Variants in FAM229A observed in about 807,000 individuals in gnomAD.
The protein encoded by FAM229A is protein FAM229A.
Under a neutral mutation model 10.0 loss-of-function variants are expected in FAM229A, and 9 were observed. The observed-to-expected ratio is 0.90, with a 90% CI of 0.54 to 1.56. The LOEUF is 1.56. Among genes scored for constraint, FAM229A ranks in the 40% most tolerant of loss-of-function variants. FAM229A has a pLI of 0.00. For missense variants in FAM229A, 196 were observed against 197.6 expected (o/e 0.99, Z 0.05); for synonymous variants, 93 against 90.1 (o/e 1.03, Z -0.19).
Position 32,361,500 on chromosome 1 carries a change from G to GTC in FAM229A, c.315_316dup (p.Thr106ArgfsTer62). 7.3e-7 allele frequency: 1 copy of GTC among 1,375,790 alleles called. No individual in the cohort carries two copies. Among genetic ancestry groups the GTC allele is most frequent in the Non-Finnish European group, 9.4e-7 (1 of 1,064,500 alleles). 85.2% of individuals were successfully genotyped at this position (1,375,790 alleles called of 1,614,324 possible). On this transcript the variant is annotated frameshift_variant, in exon 3 of 3. Transcript: ENST00000432622. LOFTEE classifies it high-confidence loss of function. ...GACGTCGATGGGCACGTGCAGCAGC[G>GTC]TCAGGCAGTGGCATCCAGGGCAGCG... is the stretch of plus-strand genomic sequence containing the variant.
In FAM229A at chr1:32,361,780, G is replaced by C. The variant is rs945147692; in HGVS notation, c.231C>G (p.Pro77=). Residue 77 remains proline, a synonymous_variant, in exon 2 of 3, where the codon CCC becomes CCG. Transcript: ENST00000432622. The part of the protein sequence containing the change: ...AGDSRGLAAA[P]ESQDSPEAVA... ...CCGCCTCCGGGCTGTCCTGGGACTCGGGGGCGGCGGCAAGGCCACGGGAGT... is the reference window on the plus strand; with the variant it reads ...CCGCCTCCGGGCTGTCCTGGGACTCCGGGGCGGCGGCAAGGCCACGGGAGT... 2 of 1,322,460 alleles carry C rather than the reference G, an allele frequency of 1.5e-6. No homozygotes were observed. Among genetic ancestry groups the C allele is most frequent in the Admixed American group, 8.3e-5 (2 of 24,142 alleles). 81.9% of individuals were successfully genotyped at this position (1,322,460 alleles called of 1,614,324 possible). A position where few individuals can be genotyped will look rare whatever the true frequency, so the allele number is the denominator to read the frequency against.
chr1:32,361,676 A>T, intron 2 of FAM229A, 54 bp downstream of exon 2: 1 of 1,251,870 alleles, frequency 8.0e-7, no homozygotes, highest in Non-Finnish European at 1.0e-6. Flanking sequence ...GCCAAGTGGG[A>T]CGGAGGGCGG....
In FAM229A at chr1:32,362,183, G is replaced by A; in HGVS notation, c.-92C>T. The A allele has an allele frequency of 7.7e-7, 1 of 1,291,472 alleles. No homozygotes were observed. The highest frequency in any genetic ancestry group is 9.8e-7 in the Non-Finnish European group (1 of 1,019,948). The allele number at this position is 1,291,472 out of a possible 1,614,324, so 80.0% of individuals were successfully genotyped here. On this transcript the variant is annotated 5_prime_UTR_variant, in exon 1 of 3. Transcript: ENST00000432622. ...TGCCCCCTGCCGCCCCTGGCACTCAGCGCGGGCCAGAATCGGGGACTGGAG... is the reference window on the plus strand; with the variant it reads ...TGCCCCCTGCCGCCCCTGGCACTCAACGCGGGCCAGAATCGGGGACTGGAG...
chr1:32,361,938 C>T lies in FAM229A; in HGVS notation c.134+20G>A, dbSNP rs976523951. On this transcript the variant is annotated intron_variant, in intron 1 of 2. Coordinates refer to ENST00000432622, the MANE Select transcript of FAM229A (RefSeq NM_001167676.2). Reference sequence around the variant, plus strand: ...GCCGGGCGCCGCCGCCTCGCGCCCGCCCCCTGGGCCGTCGCTCACCTCCCG... The same window carrying T: ...GCCGGGCGCCGCCGCCTCGCGCCCGTCCCCTGGGCCGTCGCTCACCTCCCG... The T allele has an allele frequency of 2.6e-5, 37 of 1,434,246 alleles. No individual in the cohort carries two copies. The highest frequency in any genetic ancestry group is 2.8e-5 in the Admixed American group (1 of 35,088). The allele number at this position is 1,434,246 out of a possible 1,614,324, so 88.8% of individuals were successfully genotyped here. A position where few individuals can be genotyped will look rare whatever the true frequency, so the allele number is the denominator to read the frequency against.
chr1:32,362,093 G>A lies in FAM229A; in HGVS notation c.-2C>T. 1 of 1,391,614 alleles carries A rather than the reference G, an allele frequency of 7.2e-7. No individual in the cohort carries two copies. The highest frequency in any genetic ancestry group is 1.5e-5 in the South Asian group (1 of 65,196). The allele number at this position is 1,391,614 out of a possible 1,614,324, so 86.2% of individuals were successfully genotyped here. A position where few individuals can be genotyped will look rare whatever the true frequency, so the allele number is the denominator to read the frequency against. ...CCCGGGCGTCGAGGAGGGCAGCATT[G>A]TGACCCGGGCCGCGGCGCGCTGACC... On this transcript the variant is annotated 5_prime_UTR_variant, in exon 1 of 3. Transcript: ENST00000432622.
Position 32,362,254 on chromosome 1 carries a change from C to A in FAM229A, c.-163G>T. The A allele has an allele frequency of 1.9e-6, 2 of 1,032,652 alleles. No individual in the cohort carries two copies. The highest frequency in any genetic ancestry group is 1.3e-6 in the Non-Finnish European group (1 of 793,532). 64.0% of individuals were successfully genotyped at this position (1,032,652 alleles called of 1,614,324 possible). ...GAGACGGGGTCGCGCAGACCCCGGA[C>A]ACCCGAGGGGGGCGCAGCAGGCCAG... On this transcript the variant is annotated 5_prime_UTR_variant, in exon 1 of 3. Coordinates refer to ENST00000432622, the MANE Select transcript of FAM229A (RefSeq NM_001167676.2).
At position 32,361,720 on chromosome 1, in the gene FAM229A, C is replaced by A; in HGVS notation, c.281+10G>T. ...GACGGGCGGAGGCGGGGGTGGGGCG[C>A]GGGCCTTACCTGACCGGGTTGTGCT... On this transcript the variant is annotated intron_variant, in intron 2 of 2. Transcript: ENST00000432622. The A allele has an allele frequency of 1.5e-6, 2 of 1,300,666 alleles. No homozygotes were observed. The highest frequency in any genetic ancestry group is 9.8e-7 in the Non-Finnish European group (1 of 1,025,528). 80.6% of individuals were successfully genotyped at this position (1,300,666 alleles called of 1,614,324 possible).
rs1337094700 is a variant in FAM229A at position 32,361,480 on chromosome 1, C to T, written c.337G>A (p.Asp113Asn). ...CTCCCGCCCATGGCGAGGTAGACGT[C>T]GATGGGCACGTGCAGCAGCGTCAGG... ...HCLTLLHVPI[D>N]VYLAMGGSPR... The change falls in exon 3 of 3, where the codon GAC (aspartate) becomes AAC (asparagine). Residue 113 changes from aspartate to asparagine, a missense_variant. Physicochemically the swap from Asp to Asn is conservative, Grantham distance 23. Transcript: ENST00000432622. 16 of 1,383,590 alleles carry T rather than the reference C, an allele frequency of 1.2e-5. No homozygotes were observed. Among genetic ancestry groups the T allele is most frequent in the African/African-American group, 6.1e-5 (4 of 65,712 alleles). 85.7% of individuals were successfully genotyped at this position (1,383,590 alleles called of 1,614,324 possible).
chr1:32,361,664 G>A (rs1641704301), intron 2 of FAM229A, 66 bp downstream of exon 2: 2 of 1,269,028 alleles, frequency 1.6e-6, no homozygotes, highest in Admixed American at 4.2e-5. Flanking sequence ...ACTGCTGGGG[G>A]CGCCAAGTGG....
Position 32,362,483 on chromosome 1 carries a change from G to T in FAM229A, c.-392C>A. 1 of 596,562 alleles carries T rather than the reference G, an allele frequency of 1.7e-6. No homozygotes were observed. The allele number at this position is 596,562 out of a possible 1,614,324, so 37.0% of individuals were successfully genotyped here. ...GCCCATTTTGGCCAAGGGTCACACA[G>T]CATCTACATCACAATTGCACCGGAG... On this transcript the variant is annotated 5_prime_UTR_variant, in exon 1 of 3. It adds an upstream start codon to the 5' untranslated region. Transcript: ENST00000432622.
rs1337540236 is a variant in FAM229A, at chr1:32,361,733, ACCGGGTTGTGCTCCGTCGCTACCGCCT to A, written c.251_277del (p.Glu84_Pro92del). 1 of 1,308,874 alleles carries A rather than the reference ACCGGGTTGTGCTCCGTCGCTACCGCCT, an allele frequency of 7.6e-7. No individual in the cohort carries two copies. Among genetic ancestry groups the A allele is most frequent in the Admixed American group, 4.2e-5 (1 of 24,042 alleles). 81.1% of individuals were successfully genotyped at this position (1,308,874 alleles called of 1,614,324 possible). A position where few individuals can be genotyped will look rare whatever the true frequency, so the allele number is the denominator to read the frequency against. On this transcript the variant is annotated inframe_deletion, in exon 2 of 3. Transcript: ENST00000432622. ...GGGGGTGGGGCGCGGGCCTTACCTG[ACCGGGTTGTGCTCCGTCGCTACCGCCT>A]CCGGGCTGTCCTGGGACTCGGGGGC...
In FAM229A at chr1:32,362,290, C is replaced by T. The variant is rs906532265; in HGVS notation, c.-199G>A. ...GGCGCAGCAGGCCAGGGCAACCCGCCGCGAGGCGGCGTCCACGCCGAGGAG... is the reference window on the plus strand; with the variant it reads ...GGCGCAGCAGGCCAGGGCAACCCGCTGCGAGGCGGCGTCCACGCCGAGGAG... On this transcript the variant is annotated 5_prime_UTR_variant, in exon 1 of 3. Transcript: ENST00000432622. 3.2e-5 allele frequency: 22 copies of T among 680,568 alleles called. No individual in the cohort carries two copies. The highest frequency in any genetic ancestry group is 4.4e-5 in the Non-Finnish European group (21 of 473,954). 42.2% of individuals were successfully genotyped at this position (680,568 alleles called of 1,614,324 possible).
chr1:32,361,701 C>T (rs1446139626), intron 2 of FAM229A, 29 bp downstream of exon 2: 7 of 1,021,552 alleles, frequency 6.9e-6, no homozygotes, highest in African/African-American at 5.6e-5. Flanking sequence ...GCGGGACGGG[C>T]GGAGGCGGGG....
At chr1:32,361,937 G>A in intron 1 of FAM229A, 21 bp downstream of exon 1, 1 of 1,415,308 alleles carries the variant, frequency 7.1e-7, no homozygotes, top group Non-Finnish European at 9.2e-7. Context: ...CCTCGCGCCC[G>A]CCCCCTGGGC....
Position 32,362,295 on chromosome 1 carries a change from G to C in FAM229A, c.-204C>G. 1 of 665,404 alleles carries C rather than the reference G, an allele frequency of 1.5e-6. No homozygotes were observed. The highest frequency in any genetic ancestry group is 5.2e-5 in the South Asian group (1 of 19,248). 41.2% of individuals were successfully genotyped at this position (665,404 alleles called of 1,614,324 possible). ...AGCAGGCCAGGGCAACCCGCCGCGAGGCGGCGTCCACGCCGAGGAGCCGCG... is the reference window on the plus strand; with the variant it reads ...AGCAGGCCAGGGCAACCCGCCGCGACGCGGCGTCCACGCCGAGGAGCCGCG... On this transcript the variant is annotated 5_prime_UTR_variant, in exon 1 of 3. Transcript: ENST00000432622.
rs1641701452 is a variant in FAM229A, at chr1:32,361,486, G to A, written c.331C>T (p.Pro111Ser). Reference sequence around the variant, plus strand: ...CCCATGGCGAGGTAGACGTCGATGGGCACGTGCAGCAGCGTCAGGCAGTGG... The same window carrying A: ...CCCATGGCGAGGTAGACGTCGATGGACACGTGCAGCAGCGTCAGGCAGTGG... ...GCHCLTLLHV[P>S]IDVYLAMGGS... Residue 111 changes from proline to serine, a missense_variant, in exon 3 of 3, where the codon CCC (proline) becomes TCC (serine). Transcript: ENST00000432622. 2.2e-6 allele frequency: 3 copies of A among 1,383,130 alleles called. No homozygotes were observed. Among genetic ancestry groups the A allele is most frequent in the Admixed American group, 3.4e-5 (1 of 29,162 alleles). 85.7% of individuals were successfully genotyped at this position (1,383,130 alleles called of 1,614,324 possible). A position where few individuals can be genotyped will look rare whatever the true frequency, so the allele number is the denominator to read the frequency against.
chr1:32,362,339 AC>A lies in FAM229A; in HGVS notation c.-249del. 1 of 497,810 alleles carries A rather than the reference AC, an allele frequency of 2.0e-6. No homozygotes were observed. Among genetic ancestry groups the A allele is most frequent in the Non-Finnish European group, 3.3e-6 (1 of 301,332 alleles). 30.8% of individuals were successfully genotyped at this position (497,810 alleles called of 1,614,324 possible). ...AGCCGCGCATTCCCGGTCCACACAG[AC>A]GCGGCGGAGCGCCCTCCCAGGCGGG... On this transcript the variant is annotated 5_prime_UTR_variant, in exon 1 of 3. Transcript: ENST00000432622.
chr1:32,361,772 T>C lies in FAM229A; in HGVS notation c.239A>G (p.Gln80Arg). ...CGTCGCTACCGCCTCCGGGCTGTCC[T>C]GGGACTCGGGGGCGGCGGCAAGGCC... Reference protein sequence around the residue: ...SRGLAAAPESQDSPEAVATEH... With the variant: ...SRGLAAAPESRDSPEAVATEH... The change falls in exon 2 of 3, where the codon CAG becomes CGG. Residue 80 changes from glutamine to arginine, a missense_variant. Coordinates refer to ENST00000432622, the MANE Select transcript of FAM229A (RefSeq NM_001167676.2). The C allele has an allele frequency of 7.6e-7, 1 of 1,323,676 alleles. No homozygotes were observed. Among genetic ancestry groups the C allele is most frequent in the Non-Finnish European group, 9.6e-7 (1 of 1,039,264 alleles). 82.0% of individuals were successfully genotyped at this position (1,323,676 alleles called of 1,614,324 possible).
At position 32,362,191 on chromosome 1, in the gene FAM229A, C is replaced by T; in HGVS notation, c.-100G>A. ...GCCGCCCCTGGCACTCAGCGCGGGCCAGAATCGGGGACTGGAGGCCTCTGG... is the reference window on the plus strand; with the variant it reads ...GCCGCCCCTGGCACTCAGCGCGGGCTAGAATCGGGGACTGGAGGCCTCTGG... On this transcript the variant is annotated 5_prime_UTR_variant, in exon 1 of 3. Coordinates refer to ENST00000432622, the MANE Select transcript of FAM229A (RefSeq NM_001167676.2). The T allele has an allele frequency of 7.8e-7, 1 of 1,288,862 alleles. No homozygotes were observed. Among genetic ancestry groups the T allele is most frequent in the Non-Finnish European group, 9.8e-7 (1 of 1,017,962 alleles). 79.8% of individuals were successfully genotyped at this position (1,288,862 alleles called of 1,614,324 possible).
Sources: allele counts gnomAD v4.1 joint callset, GRCh38; gene constraint gnomAD v4.1.1; transcripts MANE v1.5; gene names NCBI Gene and HGNC (gene_info 2026-07-23, HGNC 2026-07-21).